The following LRRC17 variants were observed in gnomAD, a reference collection of about 807,000 sequenced individuals.
The protein encoded by LRRC17 is leucine rich repeat containing 17, also known as leucine-rich repeat-containing protein 17.
Under a neutral mutation model 41.5 loss-of-function variants are expected in LRRC17, and 33 were observed. The ratio of observed to expected loss-of-function variants is 0.80; its 90% confidence interval spans 0.60 to 1.06. The LOEUF (loss-of-function observed/expected upper bound fraction) is 1.06. LRRC17 is among the 50% of genes least tolerant of loss of function. The pLI is 0.00. For synonymous variants in LRRC17, 192 were observed against 197.0 expected (o/e 0.97, Z 0.21); for missense variants, 491 against 519.3 (o/e 0.95, Z 0.53).
Position 102,934,486 on chromosome 7 carries a change from G to A in LRRC17, c.573G>A (p.Lys191=). The change falls in exon 2 of 4, where the codon AAG becomes AAA. Residue 191 remains lysine, a synonymous_variant. Transcript: ENST00000339431. The stretch of plus-strand genomic sequence containing the variant: ...ACCGGAATTTGGGGAACTACGCCAA[G>A]TGTGAAAGTCCACAAGAACAAAAAA... ...PRNRNLGNYA[K]CESPQEQKNK... is the part of the protein sequence containing the mutation. The A allele has an allele frequency of 1.2e-6, 2 of 1,614,142 alleles. No individual in the cohort carries two copies. The highest frequency in any genetic ancestry group is 1.7e-6 in the Non-Finnish European group (2 of 1,180,018).
chr7:102,934,332 A>C lies in LRRC17; in HGVS notation c.419A>C (p.Gln140Pro). ...ACCACCCTCTTACTGCAGCACAACC[A>C]GATCAAAGTCTTGACGGAGGAAGTG... ...KLTTLLLQHN[Q>P]IKVLTEEVFI... Residue 140 changes from glutamine (Q) to proline (P), a missense_variant, in exon 2 of 4, where the codon CAG becomes CCG. Gln to Pro is a moderately conservative substitution (Grantham distance 76, BLOSUM62 -1). Coordinates refer to ENST00000339431, the MANE Select transcript of LRRC17 (RefSeq NM_001031692.3). 6.2e-7 allele frequency: 1 copy of C among 1,614,164 alleles called. No individual in the cohort carries two copies. The highest frequency in any genetic ancestry group is 1.3e-5 in the African/African-American group (1 of 75,052).
chr7:102,939,731 C>A, intron 3 of LRRC17, 146 bp downstream of exon 3: 1 of 754,354 alleles, frequency 1.3e-6, no homozygotes, highest in Non-Finnish European at 2.0e-6. Flanking sequence ...GACACTTATA[C>A]TAGGAGTTGT....
intron 1 of LRRC17, 81 bp downstream of exon 1, chr7:102,913,226 A>C: frequency 1.9e-6 from 3 of 1,614,108 alleles, no homozygotes; most frequent in South Asian, 2.2e-5. Context: ...CTGAAAAGAC[A>C]AAAGAGAGGA....
In LRRC17 at chr7:102,933,989, G is replaced by C. The variant is rs775763247; in HGVS notation, c.76G>C (p.Val26Leu). Reference sequence around the variant, plus strand: ...GCTGCGCAAAGCAAGCCCAGGCAGTGTGAGAAGCCGAGTGAATCATGGCCG... The same window carrying C: ...GCTGCGCAAAGCAAGCCCAGGCAGTCTGAGAAGCCGAGTGAATCATGGCCG... ...AELRKASPGS[V>L]RSRVNHGRAG... Residue 26 changes from valine to leucine, a missense_variant, in exon 2 of 4, where the codon GTG (valine) becomes CTG (leucine). Val to Leu is a conservative substitution (Grantham distance 32). Transcript: ENST00000339431. 1 of 1,614,168 alleles carries C rather than the reference G, an allele frequency of 6.2e-7. No homozygotes were observed. Among genetic ancestry groups the C allele is most frequent in the East Asian group, 2.2e-5 (1 of 44,890 alleles).
At chr7:102,941,504 C>T (rs1180942056) in intron 3 of LRRC17, among the ~76,000 whole-genome samples, 1 of 152,120 alleles carries the variant, frequency 6.6e-6, no homozygotes, top group East Asian at 1.9e-4. Flanking sequence ...ACTCTGGTCT[C>T]CCGCACAGCC....
rs771849822 is a variant in LRRC17 at position 102,913,214 on chromosome 7, G to T, written c.-141+69G>T. On this transcript the variant is annotated intron_variant, in intron 1 of 3. Coordinates refer to ENST00000339431, the MANE Select transcript of LRRC17 (RefSeq NM_001031692.3). ...CTAAGATTCTGTAAGTTGTGGAAGT[G>T]CCTGAAAAGACAAAAGAGAGGAAGG... 6 of 1,613,962 alleles carry T rather than the reference G, an allele frequency of 3.7e-6. No individual in the cohort carries two copies. The African/African-American group carries it at 6.7e-5, about 18-fold the overall frequency.
intron 2 of LRRC17, 104 bp from the exon 3 acceptor site, chr7:102,939,326 C>A: frequency 1.1e-6 from 1 of 942,170 alleles, no homozygotes; most frequent in Non-Finnish European, 1.6e-6. Context: ...ATCCCTTTAC[C>A]CCTTCTCTTT....
chr7:102,925,421 G>T (rs767155100), intron 1 of LRRC17, among the ~76,000 whole-genome samples: 12 of 152,062 alleles, frequency 7.9e-5, no homozygotes, highest in Non-Finnish European at 1.5e-4. Context: ...AAAAATTTTT[G>T]ATAAATTTGA....
intron 1 of LRRC17, among the ~76,000 whole-genome samples, chr7:102,921,370 G>T (rs1347982831): frequency 6.6e-6 from 1 of 152,042 alleles, no homozygotes; most frequent in East Asian, 1.9e-4. Context: ...TATACACACA[G>T]AAATTTTGTT....
chr7:102,939,881 C>G (rs2129475114), intron 3 of LRRC17, among the ~76,000 whole-genome samples: 1 of 151,912 alleles, frequency 6.6e-6, no homozygotes, highest in Middle Eastern at 3.4e-3. Context: ...CAATAGTATA[C>G]TAAAATGTAG....
At chr7:102,926,139 C>A in intron 1 of LRRC17, 1 of 685,376 alleles carries the variant, frequency 1.5e-6, no homozygotes, top group East Asian at 2.9e-5. Flanking sequence ...AAGCAGCAGA[C>A]CCCTTATCAG....
At chr7:102,931,814 A>G (rs368738037) in intron 1 of LRRC17, 19 of 1,445,634 alleles carry the variant, frequency 1.3e-5, no homozygotes, top group South Asian at 1.1e-4. Context: ...TCTATTCTGC[A>G]TATTGGCACC....
intron 3 of LRRC17, among the ~76,000 whole-genome samples, chr7:102,940,680 G>A (rs960779670): frequency 6.6e-6 from 1 of 152,166 alleles, no homozygotes; most frequent in African/African-American, 2.4e-5. Context: ...TCTAGATCAA[G>A]ACCAATTCTC....
chr7:102,923,805 A>C (rs886280968), intron 1 of LRRC17, among the ~76,000 whole-genome samples: 3 of 152,084 alleles, frequency 2.0e-5, no homozygotes, highest in African/African-American at 7.2e-5. Context: ...AGCCTGGGTG[A>C]CAGAGCAAGA....
At chr7:102,936,323 G>T (rs1820304677) in intron 2 of LRRC17, 1 of 152,168 alleles carries the variant, frequency 6.6e-6, no homozygotes, top group Admixed American at 6.5e-5. Context: ...GATCTCACAG[G>T]TAAGTAGCAA....
chr7:102,926,160 C>T, intron 1 of LRRC17: 1 of 783,648 alleles, frequency 1.3e-6, no homozygotes, highest in Non-Finnish European at 2.0e-6. Flanking sequence ...AAAAGCAGTG[C>T]CACAGTGGTG....
At chr7:102,931,629 T>C (rs1382289290) in intron 1 of LRRC17, among the ~76,000 whole-genome samples, 1 of 152,190 alleles carries the variant, frequency 6.6e-6, no homozygotes, top group Non-Finnish European at 1.5e-5. Context: ...CCATTAAATA[T>C]AAATACAGTT....
intron 1 of LRRC17, among the ~76,000 whole-genome samples, chr7:102,925,969 C>T (rs1380140037): frequency 6.8e-6 from 1 of 147,876 alleles, no homozygotes; most frequent in African/African-American, 2.5e-5. Context: ...AGGTCCCAGA[C>T]ACCAGACTGG....
chr7:102,944,093 C>A, intron 3 of LRRC17, 117 bp from the exon 4 acceptor site: 2 of 800,432 alleles, frequency 2.5e-6, no homozygotes, highest in Non-Finnish European at 3.8e-6. Context: ...AAAGAAATCT[C>A]TTTATTTTCA....
Sources: gnomAD v4.1 joint callset for allele counts (sites outside exome capture counted in the v4.1 genomes callset) on GRCh38, gnomAD v4.1.1 for gene constraint, MANE v1.5 for transcripts, NCBI Gene and HGNC (gene_info 2026-07-23, HGNC 2026-07-21) for gene names.